Variants in UBE2F observed in about 807,000 individuals in gnomAD.
UBE2F encodes the protein NEDD8-conjugating enzyme UBE2F.
A neutral mutation model predicts 29.6 loss-of-function variants in UBE2F; 5 were observed. The observed-to-expected ratio is 0.17, with a 90% confidence interval of 0.09 to 0.36. The LOEUF is 0.36. Ranked by LOEUF, UBE2F falls within the 10% of genes least tolerant of loss-of-function variation. UBE2F has a pLI of 1.00. For missense variants in UBE2F, 141 were observed against 228.5 expected (o/e 0.62, Z 2.47); for synonymous variants, 66 against 81.8 (o/e 0.81, Z 1.04).
At chr2:237,994,173 C>T (rs1339260130) in intron 3 of UBE2F, among the ~76,000 whole-genome samples, 7 of 149,096 alleles carry the variant, frequency 4.7e-5, no homozygotes, top group African/African-American at 1.2e-4. Context: ...TGCAATGGCG[C>T]GATCTTGGCT....
chr2:237,987,262 A>AAGGGC (rs1386570637), intron 2 of UBE2F, among the ~76,000 whole-genome samples: 1 of 152,028 alleles, frequency 6.6e-6, no homozygotes, highest in African/African-American at 2.4e-5. Flanking sequence ...GTGTGTGGGG[A>AAGGGC]AGGGCAGGGC....
intron 6 of UBE2F, among the ~76,000 whole-genome samples, chr2:238,027,703 T>A (rs1484328209): frequency 6.6e-6 from 1 of 152,178 alleles, no homozygotes; most frequent in African/African-American, 2.4e-5. Flanking sequence ...AAGCAGACAG[T>A]GTCCAGTGGC....
At position 237,982,927 on chromosome 2, in the gene UBE2F, T is replaced by C. The variant is rs747894885; in HGVS notation, c.119-5036T>C. ...TTGGAAAGGCAGCTATGTATCAGTG[T>C]GGGCATGAGAAGAATAATGGTAAAC... On this transcript the variant is annotated intron_variant, in intron 2 of 9. Coordinates refer to ENST00000272930, the MANE Select transcript of UBE2F (RefSeq NM_080678.3). The surrounding 1 kb of genome is among the most constrained non-coding windows in gnomAD (Gnocchi z 4.1). 5.3e-5 allele frequency among the ~76,000 whole-genome samples: 8 copies of C among 152,168 alleles called. No individual in the cohort carries two copies. The highest frequency in any genetic ancestry group is 1.0e-4 in the Non-Finnish European group (7 of 68,028).
intron 3 of UBE2F, among the ~76,000 whole-genome samples, chr2:237,992,405 A>G (rs948564491): frequency 3.9e-5 from 6 of 152,206 alleles, no homozygotes; most frequent in Non-Finnish European, 8.8e-5. Context: ...TAAGTATTTC[A>G]CACATAGTTC....
In UBE2F at chr2:238,032,216, T is replaced by C; in HGVS notation, c.412-6T>C. 2 of 1,612,832 alleles carry C rather than the reference T, an allele frequency of 1.2e-6. No homozygotes were observed. Among genetic ancestry groups the C allele is most frequent in the Non-Finnish European group, 1.7e-6 (2 of 1,179,028 alleles). On this transcript the variant is annotated splice_polypyrimidine_tract_variant and splice_region_variant and intron_variant, in intron 7 of 9. Transcript: ENST00000272930. ...AACTTGTTTTCTGTTTTCTTTTTTA[T>C]TTCAGGATGTCGTTTGGGGATTAAA...
intron 4 of UBE2F, among the ~76,000 whole-genome samples, chr2:238,013,517 GT>G (rs35958701): frequency 0.36 from 55,112 of 151,816 alleles, 10,224 homozygotes; most frequent in East Asian, 0.51. Context: ...GGGGAAGAAG[GT>G]TGTAGAAGAG....
chr2:238,039,561 C>T (rs1178804985), intron 9 of UBE2F, among the ~76,000 whole-genome samples: 2 of 152,250 alleles, frequency 1.3e-5, no homozygotes, highest in Non-Finnish European at 2.9e-5. Flanking sequence ...GCTGAGGACA[C>T]AGCTGCCAAG....
At chr2:237,995,067 G>T (rs965639848) in intron 4 of UBE2F, among the ~76,000 whole-genome samples, 5 of 152,216 alleles carry the variant, frequency 3.3e-5, no homozygotes, top group African/African-American at 1.2e-4. Context: ...GGCAGTTGGT[G>T]TATAGTGAAG....
chr2:238,036,511 A>G (rs2064712438), intron 9 of UBE2F, among the ~76,000 whole-genome samples: 1 of 151,772 alleles, frequency 6.6e-6, no homozygotes, highest in African/African-American at 2.4e-5. Flanking sequence ...GTGATTTCCT[A>G]GTAGAATTTA....
At chr2:237,970,697 G>A (rs1256410913) in intron 1 of UBE2F, among the ~76,000 whole-genome samples, 3 of 152,158 alleles carry the variant, frequency 2.0e-5, no homozygotes, top group Non-Finnish European at 2.9e-5. Flanking sequence ...TATTGTTTTC[G>A]TTTTGAAAAA....
chr2:238,005,951 G>T (rs1576617091), intron 4 of UBE2F, among the ~76,000 whole-genome samples: 1 of 152,134 alleles, frequency 6.6e-6, no homozygotes, highest in Non-Finnish European at 1.5e-5. Context: ...CAAAAAACTT[G>T]CTGAGATTTT....
At chr2:238,000,787 C>T (rs1288290341) in intron 4 of UBE2F, among the ~76,000 whole-genome samples, 1 of 152,120 alleles carries the variant, frequency 6.6e-6, no homozygotes, top group South Asian at 2.1e-4. Context: ...AATGAGAATT[C>T]CAGTTTCTCT....
Position 238,019,654 on chromosome 2 carries a change from C to CTTTTTTTT in UBE2F, c.282+3033_282+3040dup, listed in dbSNP as rs375103007. 1.6e-3 allele frequency among the ~76,000 whole-genome samples: 121 copies of CTTTTTTTT among 78,016 alleles called. 9 individuals carry two copies. The highest frequency in any genetic ancestry group is 2.1e-3 in the African/African-American group (39 of 18,986). 51.2% of individuals were successfully genotyped at this position (78,016 alleles called of 152,430 possible). A position where few individuals can be genotyped will look rare whatever the true frequency, so the allele number is the denominator to read the frequency against. ...GTGCTGGGGAGCCACTGTGCTCAGC[C>CTTTTTTTT]TTTTTTTTTTTTTTTTTTTAATGAG... On this transcript the variant is annotated intron_variant, in intron 5 of 9. Coordinates refer to ENST00000272930, the MANE Select transcript of UBE2F (RefSeq NM_080678.3).
rs183085541 is a variant in UBE2F, at chr2:237,999,950, G to T, written c.214+5141G>T. ...AGCGATTCTCCTGCCTCAGCCTCCC[G>T]AGTACCTGGGATTACAGGTGCACAC... On this transcript the variant is annotated intron_variant, in intron 4 of 9. Coordinates refer to ENST00000272930, the MANE Select transcript of UBE2F (RefSeq NM_080678.3). Among the ~76,000 whole-genome samples the T allele has an allele frequency of 6.0e-5, 9 of 151,126 alleles. No homozygotes were observed. In the East Asian group the frequency reaches 1.7e-3, roughly 29 times the overall value.
At chr2:237,978,032 G>T (rs760624145) in intron 2 of UBE2F, among the ~76,000 whole-genome samples, 5 of 152,140 alleles carry the variant, frequency 3.3e-5, no homozygotes, top group Non-Finnish European at 7.4e-5. Context: ...AGCAAGGAAG[G>T]CCCCACGACA....
chr2:237,994,674 C>A lies in UBE2F; in HGVS notation c.149-70C>A. 4 of 1,289,302 alleles carry A rather than the reference C, an allele frequency of 3.1e-6. No homozygotes were observed. The South Asian group carries it at 3.6e-5, about 12-fold the overall frequency. 79.9% of individuals were successfully genotyped at this position (1,289,302 alleles called of 1,614,324 possible). ...TAGCACCGCTAACTTTACACGTGTT[C>A]AAAGGTTAGCGTCAACATATGGACT... On this transcript the variant is annotated intron_variant, in intron 3 of 9. Transcript: ENST00000272930.
At chr2:238,014,594 C>T (rs1278165125) in intron 4 of UBE2F, among the ~76,000 whole-genome samples, 6 of 152,164 alleles carry the variant, frequency 3.9e-5, no homozygotes, top group Non-Finnish European at 5.9e-5. Context: ...AGCACAGCCA[C>T]GACCAGGGTG....
At chr2:238,004,309 T>C (rs929524047) in intron 4 of UBE2F, among the ~76,000 whole-genome samples, 2 of 152,208 alleles carry the variant, frequency 1.3e-5, no homozygotes, top group African/African-American at 4.8e-5. Context: ...GGTTACATGG[T>C]GGTATTTAAT....
chr2:237,994,764 C>T lies in UBE2F; in HGVS notation c.169C>T (p.Pro57Ser), dbSNP rs978265993. ...NLPCTCKVHF[P>S]DPNKLHCFQL... is the part of the protein sequence containing the mutation. ...TGCAGGTACATGTAAAGTGCATTTTCCTGATCCAAACAAGCTTCATTGTTT... is the reference window on the plus strand; with the variant it reads ...TGCAGGTACATGTAAAGTGCATTTTTCTGATCCAAACAAGCTTCATTGTTT... Residue 57 changes from proline to serine, a missense_variant, in exon 4 of 10, where the codon CCT (proline) becomes TCT (serine). Physicochemically the swap from Pro to Ser is moderately conservative, Grantham distance 74 (BLOSUM62 -1). Coordinates refer to ENST00000272930, the MANE Select transcript of UBE2F (RefSeq NM_080678.3). 1 of 1,613,994 alleles carries T rather than the reference C, an allele frequency of 6.2e-7. No individual in the cohort carries two copies. The highest frequency in any genetic ancestry group is 1.3e-5 in the African/African-American group (1 of 74,928).
Sources: gnomAD v4.1 joint callset for allele counts (sites outside exome capture counted in the v4.1 genomes callset) on GRCh38, gnomAD v4.1.1 for gene constraint, Gnocchi (gnomAD v3.1) non-coding constraint, MANE v1.5 for transcripts, NCBI Gene and HGNC (gene_info 2026-07-23, HGNC 2026-07-21) for gene names.